The following ADK variants were observed in gnomAD, a reference collection of about 807,000 sequenced individuals.
The protein encoded by ADK is adenosine kinase, also known as N6,N6-dimethyladenosine kinase.
ADK carries 24 observed loss-of-function variants against 44.7 expected under a neutral mutation model. The observed-to-expected ratio is 0.54, with a 90% CI of 0.39 to 0.76. ADK has a LOEUF of 0.76. Ranked by LOEUF, ADK falls within the 30% of genes least tolerant of loss-of-function variation. The probability of loss-of-function intolerance (pLI) is 0.00; values close to 1 mark genes in which losing one functional copy is unlikely to be tolerated. For missense variants in ADK, 321 were observed against 425.1 expected (o/e 0.76, Z 2.15); for synonymous variants, 128 against 142.6 (o/e 0.90, Z 0.73).
At chr10:74,224,458 T>C (rs1844448928) in intron 2 of ADK, 80 bp from the exon 3 acceptor site, 2 of 1,061,328 alleles carry the variant, frequency 1.9e-6, no homozygotes, top group East Asian at 4.9e-5. Flanking sequence ...AGTGTTGGAG[T>C]GCTTGTTTTG....
At chr10:74,605,598 T>G (rs1334575012) in intron 9 of ADK, among the ~76,000 whole-genome samples, 1 of 152,206 alleles carries the variant, frequency 6.6e-6, no homozygotes, top group African/African-American at 2.4e-5. Flanking sequence ...TGAAGCCGAC[T>G]TGATCATGAT....
chr10:74,234,548 T>C (rs756662367), intron 3 of ADK, among the ~76,000 whole-genome samples: 2 of 152,200 alleles, frequency 1.3e-5, no homozygotes, highest in African/African-American at 2.4e-5. Flanking sequence ...GTATTTTTCA[T>C]GGAAATTATA....
intron 3 of ADK, among the ~76,000 whole-genome samples, chr10:74,252,063 C>T (rs1845672354): frequency 6.6e-6 from 1 of 151,950 alleles, no homozygotes; most frequent in South Asian, 2.1e-4. Context: ...GCCAATGAGA[C>T]ATGAGGGGAG....
chr10:74,547,920 A>G (rs1294807321), intron 7 of ADK, among the ~76,000 whole-genome samples: 4 of 152,110 alleles, frequency 2.6e-5, no homozygotes, highest in Admixed American at 6.5e-5. Flanking sequence ...AGCCTCCCAA[A>G]GTGCTGGGAT....
chr10:74,464,401 AT>A (rs952041579), intron 6 of ADK, among the ~76,000 whole-genome samples: 25 of 151,104 alleles, frequency 1.7e-4, no homozygotes, highest in Non-Finnish European at 3.3e-4. Flanking sequence ...AAAAAAAAAA[AT>A]TACCTGGACA....
intron 6 of ADK, among the ~76,000 whole-genome samples, chr10:74,497,459 A>G (rs73272256): frequency 0.025 from 3,743 of 152,246 alleles, 142 homozygotes; most frequent in African/African-American, 0.074. Context: ...TTTATATACC[A>G]TCTTTTCTCC....
intron 7 of ADK, among the ~76,000 whole-genome samples, chr10:74,580,478 G>A (rs924959665): frequency 6.6e-6 from 1 of 151,932 alleles, no homozygotes; most frequent in Non-Finnish European, 1.5e-5. Flanking sequence ...GAGAGGCTGA[G>A]GCAGGAGAAT....
At chr10:74,168,726 C>T (rs1842093862) in intron 1 of ADK, among the ~76,000 whole-genome samples, 1 of 151,314 alleles carries the variant, frequency 6.6e-6, no homozygotes, top group Non-Finnish European at 1.5e-5. Context: ...GATTCTCCTG[C>T]CTCAGCCTCC....
chr10:74,473,174 A>T (rs1440718010), intron 6 of ADK, among the ~76,000 whole-genome samples: 1 of 119,866 alleles, frequency 8.3e-6, no homozygotes, highest in Non-Finnish European at 1.9e-5. Flanking sequence ...ATATATACAC[A>T]CACATACATA....
intron 2 of ADK, among the ~76,000 whole-genome samples, chr10:74,220,396 A>G (rs1273245049): frequency 6.6e-5 from 10 of 152,168 alleles, no homozygotes; most frequent in Non-Finnish European, 1.3e-4. Context: ...CCAACCAAAA[A>G]GAGTCCAGGA....
At chr10:74,268,469 A>C (rs1846300844) in intron 3 of ADK, among the ~76,000 whole-genome samples, 2 of 151,820 alleles carry the variant, frequency 1.3e-5, no homozygotes, top group African/African-American at 4.8e-5. Context: ...CTCAGAGTCC[A>C]TTTCCTCACT....
At chr10:74,447,298 T>G (rs1845621530) in intron 6 of ADK, among the ~76,000 whole-genome samples, 1 of 151,856 alleles carries the variant, frequency 6.6e-6, no homozygotes, top group Non-Finnish European at 1.5e-5. Context: ...GGGGTGAGGG[T>G]GGGCATTAAT....
At chr10:74,482,871 C>T (rs574010328) in intron 6 of ADK, among the ~76,000 whole-genome samples, 8 of 152,302 alleles carry the variant, frequency 5.3e-5, no homozygotes, top group Admixed American at 2.0e-4. Flanking sequence ...GGCAGTTCTG[C>T]GTCTGTTGCT....
At chr10:74,303,588 GTTTTTTTT>G (rs1185036462) in intron 3 of ADK, among the ~76,000 whole-genome samples, 16 of 68,578 alleles carry the variant, frequency 2.3e-4, no homozygotes, top group African/African-American at 1.0e-3. Flanking sequence ...TTTTAATGTT[GTTTTTTTT>G]TTTTTTTTTT....
At chr10:74,273,136 C>T (rs1469119580) in intron 3 of ADK, among the ~76,000 whole-genome samples, 1 of 149,996 alleles carries the variant, frequency 6.7e-6, no homozygotes, top group Admixed American at 6.7e-5. Flanking sequence ...GGTCAGTCAT[C>T]AGAAAACCTT....
chr10:74,687,095 G>A (rs1243838730), intron 10 of ADK, among the ~76,000 whole-genome samples: 2 of 152,204 alleles, frequency 1.3e-5, no homozygotes, highest in East Asian at 3.8e-4. Context: ...CACAACACCT[G>A]ATACATAGTA....
Position 74,200,769 on chromosome 10 carries a change from A to T in ADK, c.71A>T (p.Asn24Ile), listed in dbSNP as rs1271395440. Residue 24 changes from asparagine (N) to isoleucine (I), a missense_variant, in exon 2 of 11, where the codon AAT becomes ATT. Transcript: ENST00000539909. Reference protein sequence around the residue: ...KVEAPQALRENILFGMGNPLL... With the variant: ...KVEAPQALREIILFGMGNPLL... ...TGTGTTTTGTGTTTTTTTAGAGAAA[A>T]TATTCTCTTTGGAATGGGAAATCCT... 2 of 1,609,036 alleles carry T rather than the reference A, an allele frequency of 1.2e-6. No individual in the cohort carries two copies. Among genetic ancestry groups the T allele is most frequent in the Admixed American group, 3.3e-5 (2 of 59,982 alleles).
intron 4 of ADK, among the ~76,000 whole-genome samples, chr10:74,340,954 A>G (rs1841562940): frequency 6.6e-6 from 1 of 152,216 alleles, no homozygotes; most frequent in African/African-American, 2.4e-5. Context: ...CTCATAAAAT[A>G]TGAAAATACT....
intron 4 of ADK, among the ~76,000 whole-genome samples, chr10:74,333,129 A>ATT (rs1841278230): frequency 6.6e-6 from 1 of 152,210 alleles, no homozygotes; most frequent in African/African-American, 2.4e-5. Flanking sequence ...AAATCAAAAA[A>ATT]TTGAAATCGT....
Sources: allele counts gnomAD v4.1 joint callset (sites outside exome capture counted in the v4.1 genomes callset), GRCh38; gene constraint gnomAD v4.1.1; transcripts MANE v1.5; gene names NCBI Gene and HGNC (gene_info 2026-07-23, HGNC 2026-07-21).